The following GSE1 variants were observed in gnomAD, a reference collection of about 807,000 sequenced individuals.
The protein encoded by GSE1 is genetic suppressor element 1.
Under a neutral mutation model 112.6 loss-of-function variants are expected in GSE1, and 32 were observed. The observed-to-expected ratio is 0.28, with a 90% CI of 0.21 to 0.38. The LOEUF is 0.38. GSE1 is among the 10% of genes least tolerant of loss of function. The probability of loss-of-function intolerance (pLI) is 1.00; values close to 1 mark genes in which losing one functional copy is unlikely to be tolerated. For missense variants in GSE1, 2,348 were observed against 1,699.2 expected (o/e 1.38, Z -6.71); for synonymous variants, 1,115 against 735.6 (o/e 1.52, Z -8.35).
At chr16:85,354,380 G>A (rs750770726) in intron 1 of GSE1, among the ~76,000 whole-genome samples, 7 of 152,244 alleles carry the variant, frequency 4.6e-5, no homozygotes, top group Non-Finnish European at 7.3e-5. Context: ...ATGCTAATCA[G>A]TACAAAGCCC....
At chr16:85,450,695 C>T (rs1020345716) in intron 2 of GSE1, among the ~76,000 whole-genome samples, 9 of 151,928 alleles carry the variant, frequency 5.9e-5, no homozygotes, top group East Asian at 3.9e-4. Flanking sequence ...GTGATCCACC[C>T]GCCTTGGCCT....
intron 2 of GSE1, among the ~76,000 whole-genome samples, chr16:85,544,732 G>A (rs1177331449): frequency 6.6e-6 from 1 of 152,242 alleles, no homozygotes; most frequent in Non-Finnish European, 1.5e-5. Context: ...CCCTGGCAGT[G>A]ACTTCTTGTC....
At chr16:85,388,648 A>G (rs867873040) in intron 2 of GSE1, among the ~76,000 whole-genome samples, 73 of 140,584 alleles carry the variant, frequency 5.2e-4, no homozygotes, top group Middle Eastern at 3.8e-3. Context: ...GTGTGGGTGG[A>G]TGGATGGATG....
At chr16:85,214,150 C>T (rs2075271419) in intron 1 of GSE1, among the ~76,000 whole-genome samples, 2 of 152,196 alleles carry the variant, frequency 1.3e-5, no homozygotes, top group African/African-American at 2.4e-5. Context: ...CTGGCGTGCC[C>T]GCCGGCCTCT....
At position 85,403,000 on chromosome 16, in the gene GSE1, C is replaced by T. The variant is rs149287456; in HGVS notation, c.2464+45357C>T. On this transcript the variant is annotated intron_variant, in intron 2 of 2. Transcript: ENST00000637419. ...GCATGTGCGGGTCAGGGATCCGGAT[C>T]CAGCTTAGCCGGGCCTCCTGGGTAT... Among the ~76,000 whole-genome samples the T allele has an allele frequency of 4.2e-3, 635 of 152,228 alleles. 5 individuals are homozygous for T. The highest frequency in any genetic ancestry group is 6.8e-3 in the Non-Finnish European group (464 of 68,004).
intron 1 of GSE1, among the ~76,000 whole-genome samples, chr16:85,270,666 G>A (rs1182530374): frequency 6.8e-6 from 1 of 146,488 alleles, no homozygotes; most frequent in East Asian, 1.9e-4. Context: ...GTGCGGCCTT[G>A]AAGGAAACAC....
At chr16:85,187,359 C>T (rs1173963714) in intron 1 of GSE1, among the ~76,000 whole-genome samples, 1 of 152,258 alleles carries the variant, frequency 6.6e-6, no homozygotes, top group Non-Finnish European at 1.5e-5. Context: ...CTGGGGGCAG[C>T]TTCAGGCTGC....
At chr16:85,646,833 A>G (rs1251007568) in intron 2 of GSE1, among the ~76,000 whole-genome samples, 2 of 146,638 alleles carry the variant, frequency 1.4e-5, no homozygotes, top group Non-Finnish European at 3.0e-5. Context: ...CCTCACTGGC[A>G]GCCCCAGCCT....
intron 1 of GSE1, among the ~76,000 whole-genome samples, chr16:85,346,074 G>A (rs977654254): frequency 6.6e-6 from 1 of 151,284 alleles, no homozygotes; most frequent in Non-Finnish European, 1.5e-5. Context: ...ATGGATAGGT[G>A]GATGGATGCA....
intron 1 of GSE1, among the ~76,000 whole-genome samples, chr16:85,210,382 T>C (rs1473448399): frequency 2.6e-5 from 4 of 152,162 alleles, no homozygotes; most frequent in Admixed American, 6.5e-5. Flanking sequence ...GGCGGGCAGA[T>C]TGCTTGAGCC....
intron 1 of GSE1, among the ~76,000 whole-genome samples, chr16:85,181,815 A>G (rs1597733919): frequency 6.6e-6 from 1 of 152,298 alleles, no homozygotes; most frequent in South Asian, 2.1e-4. Context: ...GCCAGGAGGC[A>G]CCTGGATGGC....
intron 1 of GSE1, among the ~76,000 whole-genome samples, chr16:85,263,798 C>A (rs554661937): frequency 1.3e-5 from 2 of 152,302 alleles, no homozygotes; most frequent in South Asian, 4.1e-4. Flanking sequence ...GTCTGGAACT[C>A]CTGAGCTCAG....
intron 1 of GSE1, among the ~76,000 whole-genome samples, chr16:85,293,443 G>T (rs142537093): frequency 6.6e-6 from 1 of 152,166 alleles, no homozygotes; most frequent in Non-Finnish European, 1.5e-5. Flanking sequence ...CAACTCGGGA[G>T]GCTGAGGCAG....
At chr16:85,443,982 C>CCTT (rs755906598) in intron 2 of GSE1, among the ~76,000 whole-genome samples, 1 of 77,620 alleles carries the variant, frequency 1.3e-5, no homozygotes, top group African/African-American at 5.3e-5. Flanking sequence ...CAAGGGGGCG[C>CCTT]TTTTTTTTTT....
chr16:85,555,186 A>G (rs1254877421), upstream of GSE1: 10 of 985,250 alleles, frequency 1.0e-5, no homozygotes, highest in Non-Finnish European at 1.2e-5. Context: ...ATCTGCTGTC[A>G]GGCAGCCAGC....
chr16:85,579,342 G>A (rs1431460847), intron 1 of GSE1, among the ~76,000 whole-genome samples: 1 of 152,218 alleles, frequency 6.6e-6, no homozygotes, highest in Non-Finnish European at 1.5e-5. Context: ...GCTGGGGCCA[G>A]CTTGGGTCGG....
intron 1 of GSE1, among the ~76,000 whole-genome samples, chr16:85,238,528 G>A (rs1444734570): frequency 2.0e-5 from 3 of 152,144 alleles, no homozygotes; most frequent in Admixed American, 6.5e-5. Context: ...GGGAAGGGGC[G>A]TTGGAAGCCT....
intron 1 of GSE1, among the ~76,000 whole-genome samples, chr16:85,206,891 A>C (rs2075127472): frequency 7.2e-6 from 1 of 138,596 alleles, no homozygotes; most frequent in African/African-American, 2.7e-5. Context: ...TATGGCAGGC[A>C]AAGTGCTAAT....
Position 85,675,760 on chromosome 16 carries a change from T to G in GSE1, c.*3221T>G, listed in dbSNP as rs2053642865. 6.6e-6 allele frequency: 1 copy of G among 152,274 alleles called. No individual in the cohort carries two copies. Among genetic ancestry groups the G allele is most frequent in the Non-Finnish European group, 1.5e-5 (1 of 68,054 alleles). The allele number at this position is 152,274 out of a possible 1,614,324, so 9.4% of individuals were successfully genotyped here. A position where few individuals can be genotyped will look rare whatever the true frequency, so the allele number is the denominator to read the frequency against. ...CCAGGGATCCACCACAAGATGGAGA[T>G]GGTCAGCACAAACCGATTCTGTTCC... On this transcript the variant is annotated 3_prime_UTR_variant, in exon 16 of 16. Coordinates refer to ENST00000253458, the MANE Select transcript of GSE1 (RefSeq NM_014615.5).
Sources: gnomAD v4.1 joint callset for allele counts (sites outside exome capture counted in the v4.1 genomes callset) on GRCh38, gnomAD v4.1.1 for gene constraint, MANE v1.5 for transcripts, NCBI Gene and HGNC (gene_info 2026-07-23, HGNC 2026-07-21) for gene names.